Variants in SGCZ observed in about 807,000 individuals in gnomAD.
SGCZ encodes zeta-sarcoglycan.
Under a neutral mutation model 41.3 loss-of-function variants are expected in SGCZ, and 40 were observed. That is an observed-to-expected ratio of 0.97 (90% CI 0.75 to 1.26). The LOEUF is 1.26. Ranked by LOEUF, SGCZ falls within the 50% of genes most tolerant of loss-of-function variation. SGCZ has a pLI of 0.00. For synonymous variants in SGCZ, 206 were observed against 137.5 expected, an observed-to-expected ratio of 1.50 and a Z score of -3.49; for missense variants, 552 against 369.8, an observed-to-expected ratio of 1.49 and a Z score of -4.04.
intron 1 of SGCZ, among the ~76,000 whole-genome samples, chr8:14,967,805 T>G (rs187441583): frequency 1.9e-3 from 286 of 152,286 alleles, no homozygotes; most frequent in African/African-American, 6.7e-3. Context: ...CAAGGAAAAC[T>G]TGGAGTGAAA....
intron 3 of SGCZ, among the ~76,000 whole-genome samples, chr8:14,262,671 A>T (rs1204373579): frequency 6.6e-6 from 1 of 151,892 alleles, no homozygotes; most frequent in Non-Finnish European, 1.5e-5. Flanking sequence ...ATTGTCATCG[A>T]GCTTTAAAAC....
intron 1 of SGCZ, among the ~76,000 whole-genome samples, chr8:14,875,436 A>C (rs1018670173): frequency 2.0e-5 from 3 of 152,160 alleles, no homozygotes; most frequent in Non-Finnish European, 4.4e-5. Flanking sequence ...AGAAGGATTC[A>C]ATGGGAGGGA....
rs557234164 is a variant in SGCZ at position 14,798,797 on chromosome 8, A to G, written c.40-243871T>C. 1.6e-4 allele frequency among the ~76,000 whole-genome samples: 25 copies of G among 152,226 alleles called. No individual in the cohort carries two copies. The South Asian group carries it at 3.9e-3, about 24-fold the overall frequency. On this transcript the variant is annotated intron_variant, in intron 1 of 7. Transcript: ENST00000382080. Reference sequence around the variant, plus strand: ...ATAATCTGTTTAAAAAGTCCATTCTATTATAAAACTAAAACTATGTCCATT... The same window carrying G: ...ATAATCTGTTTAAAAAGTCCATTCTGTTATAAAACTAAAACTATGTCCATT...
At chr8:14,763,912 C>T (rs373337787) in intron 1 of SGCZ, among the ~76,000 whole-genome samples, 23 of 152,066 alleles carry the variant, frequency 1.5e-4, no homozygotes, top group African/African-American at 5.1e-4. Context: ...ATGGAGGAAA[C>T]GAGAAGGAAC....
intron 1 of SGCZ, among the ~76,000 whole-genome samples, chr8:14,797,681 G>A (rs1585268698): frequency 6.6e-6 from 1 of 152,176 alleles, no homozygotes; most frequent in East Asian, 1.9e-4. Flanking sequence ...TGACTCCAAG[G>A]CATGTCAGAG....
chr8:14,641,158 A>G (rs1391597061), intron 1 of SGCZ, among the ~76,000 whole-genome samples: 1 of 151,682 alleles, frequency 6.6e-6, no homozygotes, highest in Non-Finnish European at 1.5e-5. Context: ...TCCCCAAATC[A>G]TATCAAAATT....
chr8:14,989,580 C>G (rs894458505), intron 1 of SGCZ, among the ~76,000 whole-genome samples: 3 of 152,006 alleles, frequency 2.0e-5, no homozygotes, highest in Admixed American at 6.6e-5. Flanking sequence ...CAGAAGAGGC[C>G]TCAGGGATTC....
At position 14,519,094 on chromosome 8, in the gene SGCZ, T is replaced by C. The variant is rs80063456; in HGVS notation, c.234+35638A>G. Among the ~76,000 whole-genome samples the C allele has an allele frequency of 0.013, 1,977 of 147,082 alleles. 144 individuals are homozygous for C. The East Asian group carries it at 0.22, about 16-fold the overall frequency. On this transcript the variant is annotated intron_variant, in intron 2 of 7. Coordinates refer to ENST00000382080, the MANE Select transcript of SGCZ (RefSeq NM_139167.4). Reference sequence around the variant, plus strand: ...AAAAAAAAAAAAAAAAAGACAGAGATATATAGTGCCTGCATTTTCTTCATG... The same window carrying C: ...AAAAAAAAAAAAAAAAAGACAGAGACATATAGTGCCTGCATTTTCTTCATG...
intron 1 of SGCZ, among the ~76,000 whole-genome samples, chr8:14,582,189 A>T (rs1031233307): frequency 6.6e-6 from 1 of 152,168 alleles, no homozygotes; most frequent in Non-Finnish European, 1.5e-5. Flanking sequence ...AACCTACAAA[A>T]TATATGCTAT....
At chr8:15,160,567 A>C (rs532013833) in intron 1 of SGCZ, among the ~76,000 whole-genome samples, 1 of 152,320 alleles carries the variant, frequency 6.6e-6, no homozygotes, top group African/African-American at 2.4e-5. Context: ...CATGTGATTT[A>C]TATATTCAAC....
chr8:14,313,247 C>A (rs368183611), intron 3 of SGCZ, among the ~76,000 whole-genome samples: 3 of 152,140 alleles, frequency 2.0e-5, no homozygotes, highest in African/African-American at 7.2e-5. Context: ...GTAGTAGGAA[C>A]TATCCAAGAT....
chr8:15,188,918 T>C (rs1800438146), intron 1 of SGCZ, among the ~76,000 whole-genome samples: 1 of 152,068 alleles, frequency 6.6e-6, no homozygotes, highest in South Asian at 2.1e-4. Context: ...CAAAATAATA[T>C]GATAAAATCT....
intron 1 of SGCZ, among the ~76,000 whole-genome samples, chr8:14,636,429 G>A (rs1469572584): frequency 1.3e-5 from 2 of 151,844 alleles, no homozygotes; most frequent in Non-Finnish European, 2.9e-5. Context: ...AGATTTACAT[G>A]AACTGACTAG....
At chr8:14,591,939 C>T (rs1041349972) in intron 1 of SGCZ, among the ~76,000 whole-genome samples, 1 of 152,078 alleles carries the variant, frequency 6.6e-6, no homozygotes, top group African/African-American at 2.4e-5. Context: ...AGGACAGCAG[C>T]TGAGGTACAC....
At chr8:14,100,373 G>A (rs1305906814) in intron 7 of SGCZ, among the ~76,000 whole-genome samples, 1 of 150,940 alleles carries the variant, frequency 6.6e-6, no homozygotes, top group African/African-American at 2.4e-5. Context: ...TATTTATTAT[G>A]AGCAATTTGA....
At chr8:14,185,697 C>T (rs1384475068) in intron 4 of SGCZ, among the ~76,000 whole-genome samples, 1 of 152,020 alleles carries the variant, frequency 6.6e-6, no homozygotes, top group Non-Finnish European at 1.5e-5. Flanking sequence ...TTGTTTTGGT[C>T]TATATCCCTG....
chr8:14,358,150 T>C (rs765468982), intron 2 of SGCZ, among the ~76,000 whole-genome samples: 4 of 152,190 alleles, frequency 2.6e-5, no homozygotes, highest in Non-Finnish European at 5.9e-5. Flanking sequence ...TTTAATTCCA[T>C]GTAATTGGTT....
chr8:14,659,520 A>T (rs1437563985), intron 1 of SGCZ, among the ~76,000 whole-genome samples: 1 of 152,240 alleles, frequency 6.6e-6, no homozygotes, highest in Non-Finnish European at 1.5e-5. Context: ...ACAATTACAT[A>T]TTATACTATT....
At chr8:15,217,913 C>T (rs1301637327) in intron 1 of SGCZ, among the ~76,000 whole-genome samples, 1 of 152,064 alleles carries the variant, frequency 6.6e-6, no homozygotes, top group Non-Finnish European at 1.5e-5. Context: ...ATGGTGAAAC[C>T]CCATCTCTAC....
Sources: gnomAD v4.1 joint callset for allele counts (sites outside exome capture counted in the v4.1 genomes callset) on GRCh38, gnomAD v4.1.1 for gene constraint, MANE v1.5 for transcripts, NCBI Gene and HGNC (gene_info 2026-07-23, HGNC 2026-07-21) for gene names.